OXTR: variants seen among roughly 807,000 people sequenced by gnomAD.
OXTR encodes the protein oxytocin receptor.
A neutral mutation model predicts 23.9 loss-of-function variants in OXTR; 19 were observed. That is an observed-to-expected ratio of 0.80 (90% CI 0.56 to 1.17). The LOEUF is 1.17. OXTR is among the 50% of genes most tolerant of loss of function. The pLI is 0.00. For missense variants in OXTR, 500 were observed against 550.7 expected (o/e 0.91, Z 0.92); for synonymous variants, 278 against 250.5 (o/e 1.11, Z -1.04).
At chr3:8,745,571 T>G (rs730880419), downstream of OXTR, 28 of 1,614,132 alleles carry the variant, frequency 1.7e-5, no homozygotes, top group Non-Finnish European at 2.4e-5. The surrounding 1 kb of genome is among the most constrained non-coding windows in gnomAD (Gnocchi z 4.8). Context: ...CACCTACAGC[T>G]TTGACGGCGT....
the OXTR span, among the ~76,000 whole-genome samples, chr3:8,744,427 C>T: frequency 3.3e-5 from 5 of 151,220 alleles, no homozygotes; most frequent in African/African-American, 7.3e-5. Context: ...TACAGACACC[C>T]GCTGCCATAC....
downstream of OXTR, among the ~76,000 whole-genome samples, chr3:8,747,760 G>A (rs746621367): frequency 5.9e-5 from 9 of 152,146 alleles, no homozygotes; most frequent in East Asian, 3.9e-4. Flanking sequence ...CCTCCTCAAA[G>A]GGCCTGCCCT....
At chr3:8,755,285 A>G (rs1403795658) in intron 3 of OXTR, among the ~76,000 whole-genome samples, 1 of 152,248 alleles carries the variant, frequency 6.6e-6, no homozygotes, top group Non-Finnish European at 1.5e-5. Context: ...TCAACGTGCA[A>G]AAGTCAATAT....
At chr3:8,764,416 G>A (rs987783521) in intron 3 of OXTR, among the ~76,000 whole-genome samples, 4 of 152,176 alleles carry the variant, frequency 2.6e-5, no homozygotes, top group East Asian at 1.9e-4. Context: ...AGATATTTCC[G>A]CATCTAAATT....
At chr3:8,767,220 C>G (rs201658092) in intron 3 of OXTR, 46 bp downstream of exon 3, 2 of 1,502,932 alleles carry the variant, frequency 1.3e-6, no homozygotes, top group Non-Finnish European at 1.8e-6. Flanking sequence ...AAGGGCCTCC[C>G]CCAGCCACCA....
chr3:8,757,613 A>C (rs1387116785), intron 3 of OXTR, among the ~76,000 whole-genome samples: 1 of 152,134 alleles, frequency 6.6e-6, no homozygotes, highest in Non-Finnish European at 1.5e-5. Context: ...CTCCGCTGGA[A>C]GAGCCAGTTC....
chr3:8,750,036 T>C (rs377476976), downstream of OXTR, among the ~76,000 whole-genome samples: 14 of 152,300 alleles, frequency 9.2e-5, no homozygotes, highest in East Asian at 9.6e-4. Flanking sequence ...AGTAGTGTCC[T>C]GTATTTAGTG....
At position 8,768,722 on chromosome 3, in the gene OXTR, G is replaced by C. The variant is rs4564970; in HGVS notation, c.-238-131C>G. ...GCTCCGACCCTCAGCATATCCACCT[G>C]CCGCGGGACCCCCAAACCAGCCCCT... On this transcript the variant is annotated intron_variant, in intron 1 of 3. Transcript: ENST00000316793. The surrounding 1 kb of genome is among the most constrained non-coding windows in gnomAD (Gnocchi z 5.4). 0.13 allele frequency: 20,388 copies of C among 152,432 alleles called. 1,803 individuals carry two copies. Among genetic ancestry groups the C allele is most frequent in the African/African-American group, 0.26 (10,721 of 41,444 alleles). 9.4% of individuals were successfully genotyped at this position (152,432 alleles called of 1,614,324 possible).
intron 3 of OXTR, among the ~76,000 whole-genome samples, chr3:8,762,260 G>A (rs570110386): frequency 2.6e-5 from 4 of 152,316 alleles, no homozygotes; most frequent in Non-Finnish European, 4.4e-5. Context: ...GAAACATGAT[G>A]TAGCAGGGCC....
downstream of OXTR, among the ~76,000 whole-genome samples, chr3:8,750,023 A>G (rs1708225801): frequency 6.6e-6 from 1 of 152,168 alleles, no homozygotes; most frequent in Admixed American, 6.5e-5. Flanking sequence ...TAAACCTCTG[A>G]TCAGTAGTGT....
At chr3:8,744,275 A>ATTTTTTTT in the OXTR span, among the ~76,000 whole-genome samples, 1 of 120,858 alleles carries the variant, frequency 8.3e-6, no homozygotes, top group African/African-American at 3.6e-5. Flanking sequence ...GACCAGTGGA[A>ATTTTTTTT]TTTTTTTTTT....
rs1708720844 is a variant in OXTR, at chr3:8,769,611, A to G, written c.-619T>C. On this transcript the variant is annotated 5_prime_UTR_variant, in exon 1 of 4. Transcript: ENST00000316793. Reference sequence around the variant, plus strand: ...CGCCCAGCGTTGGTCCCAGAGCCTTAACAAATGGGTTTATTTTGCAGTGGT... The same window carrying G: ...CGCCCAGCGTTGGTCCCAGAGCCTTGACAAATGGGTTTATTTTGCAGTGGT... The G allele has an allele frequency of 6.6e-6, 1 of 152,270 alleles. No homozygotes were observed. The highest frequency in any genetic ancestry group is 2.4e-5 in the African/African-American group (1 of 41,472). 9.4% of individuals were successfully genotyped at this position (152,270 alleles called of 1,614,324 possible).
At chr3:8,742,014 A>T in the OXTR span, among the ~76,000 whole-genome samples, 1 of 152,188 alleles carries the variant, frequency 6.6e-6, no homozygotes, top group Admixed American at 6.5e-5. Flanking sequence ...CAGCACGCAG[A>T]TGCAGGCTTT....
At chr3:8,756,771 T>A (rs1050039795) in intron 3 of OXTR, among the ~76,000 whole-genome samples, 1 of 152,254 alleles carries the variant, frequency 6.6e-6, no homozygotes, top group African/African-American at 2.4e-5. Context: ...GACTGCTTAG[T>A]GCAAATGTGC....
Position 8,767,732 on chromosome 3 carries a change from G to C in OXTR, c.456C>G (p.Thr152=), listed in dbSNP as rs200646072. The part of the protein sequence containing the change: ...CQPLRSLRRR[T]DRLAVLATWL... Reference sequence around the variant, plus strand: ...ACGTGGCGAGCACTGCCAGGCGGTCGGTGCGGCGGCGCAGCGAGCGCAGCG... The same window carrying C: ...ACGTGGCGAGCACTGCCAGGCGGTCCGTGCGGCGGCGCAGCGAGCGCAGCG... Residue 152 remains threonine, a synonymous_variant, in exon 3 of 4, where the codon ACC becomes ACG. Coordinates refer to ENST00000316793, the MANE Select transcript of OXTR (RefSeq NM_000916.4). 4.0e-4 allele frequency: 644 copies of C among 1,609,508 alleles called. 1 individual carries two copies. Among genetic ancestry groups the C allele is most frequent in the Non-Finnish European group, 5.0e-4 (593 of 1,178,084 alleles).
chr3:8,767,120 G>A (rs1708623918), intron 3 of OXTR, 146 bp downstream of exon 3: 2 of 725,574 alleles, frequency 2.8e-6, no homozygotes, highest in Non-Finnish European at 2.1e-6. Flanking sequence ...ACTTGGTCAA[G>A]GGATGACAGA....
At chr3:8,761,363 A>C (rs1708482034) in intron 3 of OXTR, among the ~76,000 whole-genome samples, 1 of 152,148 alleles carries the variant, frequency 6.6e-6, no homozygotes, top group Non-Finnish European at 1.5e-5. Flanking sequence ...GGAAGAGCCC[A>C]AGATGTCAGG....
Position 8,768,274 on chromosome 3 carries a change from G to T in OXTR, c.-87C>A. On this transcript the variant is annotated 5_prime_UTR_variant, in exon 3 of 4. Coordinates refer to ENST00000316793, the MANE Select transcript of OXTR (RefSeq NM_000916.4). This position sits in a 1 kb window ranked among gnomAD's most constrained non-coding sequence, Gnocchi z 5.4. ...CGGATCCGGCGTGTCGGAGGGTGTA[G>T]GGGCGCCCGGGGCTCCACTCCTGGA... The T allele has an allele frequency of 8.1e-7, 1 of 1,234,298 alleles. No individual in the cohort carries two copies. The highest frequency in any genetic ancestry group is 1.0e-6 in the Non-Finnish European group (1 of 992,016). The allele number at this position is 1,234,298 out of a possible 1,614,324, so 76.5% of individuals were successfully genotyped here.
chr3:8,746,902 T>A (rs1708182509), downstream of OXTR: 1 of 152,016 alleles, frequency 6.6e-6, no homozygotes, highest in Non-Finnish European at 1.5e-5. Flanking sequence ...TGGGGATGGG[T>A]GTTAGCATCT....
Sources: allele counts gnomAD v4.1 joint callset (sites outside exome capture counted in the v4.1 genomes callset), GRCh38; gene constraint gnomAD v4.1.1; non-coding constraint Gnocchi (gnomAD v3.1); transcripts MANE v1.5; gene names NCBI Gene and HGNC (gene_info 2026-07-23, HGNC 2026-07-21).